Variants in RNF115 observed in about 807,000 individuals in gnomAD.
RNF115 encodes ring finger protein 115.
A neutral mutation model predicts 39.2 loss-of-function variants in RNF115; 31 were observed. The ratio of observed to expected loss-of-function variants is 0.79; its 90% CI spans 0.59 to 1.07. RNF115 has a LOEUF of 1.07. Among genes scored for constraint, RNF115 ranks in the 50% least tolerant of loss-of-function variants. The probability of loss-of-function intolerance (pLI) is 0.00; values close to 1 mark genes in which losing one functional copy is unlikely to be tolerated. For synonymous variants in RNF115, 124 were observed against 131.0 expected (o/e 0.95, Z 0.37); for missense variants, 384 against 381.7 (o/e 1.01, Z -0.05).
intron 1 of RNF115, among the ~76,000 whole-genome samples, chr1:145,807,920 C>T (rs587707367): frequency 5.3e-5 from 8 of 152,286 alleles, no homozygotes; most frequent in African/African-American, 1.9e-4. Flanking sequence ...TTAGCTCCCA[C>T]ATATGAGTGG....
intron 1 of RNF115, among the ~76,000 whole-genome samples, chr1:145,804,213 G>T (rs1446808407): frequency 6.6e-6 from 1 of 152,072 alleles, no homozygotes; most frequent in Admixed American, 6.5e-5. Flanking sequence ...AATAACCTGG[G>T]ATTAAAAGTC....
intron 1 of RNF115, among the ~76,000 whole-genome samples, chr1:145,803,227 T>C (rs1386023275): frequency 6.7e-6 from 1 of 149,258 alleles, no homozygotes; most frequent in African/African-American, 2.4e-5. Flanking sequence ...AAAATCAGTT[T>C]ACTAAAAAGG....
intron 1 of RNF115, among the ~76,000 whole-genome samples, chr1:145,799,370 G>A (rs1553720542): frequency 6.6e-6 from 1 of 151,986 alleles, no homozygotes; most frequent in Non-Finnish European, 1.5e-5. Context: ...CCAGCTTCCG[G>A]GTTTTCAACA....
At chr1:145,767,577 C>T (rs1411516508) in intron 4 of RNF115, among the ~76,000 whole-genome samples, 29 of 152,300 alleles carry the variant, frequency 1.9e-4, no homozygotes, top group Admixed American at 1.6e-3. Flanking sequence ...GGGTGGTGGC[C>T]GGGCAGAGGC....
At chr1:145,789,096 GT>G in intron 1 of RNF115, 130 bp from the exon 2 acceptor site, 1 of 589,056 alleles carries the variant, frequency 1.7e-6, no homozygotes, top group Non-Finnish European at 3.0e-6. Context: ...GACTCAAGTA[GT>G]TTTTGTTTTT....
At position 145,740,005 on chromosome 1, in the gene RNF115, G is replaced by A. The variant is rs587617224; in HGVS notation, c.*6861C>T. 6.6e-6 allele frequency: 1 copy of A among 152,310 alleles called. No homozygotes were observed. Among genetic ancestry groups the A allele is most frequent in the South Asian group, 2.1e-4 (1 of 4,826 alleles). 9.4% of individuals were successfully genotyped at this position (152,310 alleles called of 1,614,324 possible). On this transcript the variant is annotated 3_prime_UTR_variant, in exon 9 of 9. Transcript: ENST00000582693. ...TGAGAGTCTGGATTTGGGACCTAGAGCCATTTGAGTTCTGACTCCAAAGTC... is the reference window on the plus strand; with the variant it reads ...TGAGAGTCTGGATTTGGGACCTAGAACCATTTGAGTTCTGACTCCAAAGTC...
intron 1 of RNF115, among the ~76,000 whole-genome samples, chr1:145,809,049 T>C (rs1035407984): frequency 6.6e-6 from 1 of 152,192 alleles, no homozygotes; most frequent in Non-Finnish European, 1.5e-5. Flanking sequence ...AGCTCTCATA[T>C]GCAGAAATAA....
intron 2 of RNF115, among the ~76,000 whole-genome samples, chr1:145,785,727 C>T (rs1559119948): frequency 6.6e-6 from 1 of 152,174 alleles, no homozygotes; most frequent in Admixed American, 6.5e-5. Flanking sequence ...GAAACAAACA[C>T]ACCCTAGTTA....
At chr1:145,804,816 A>G (rs949242705) in intron 1 of RNF115, among the ~76,000 whole-genome samples, 2 of 152,176 alleles carry the variant, frequency 1.3e-5, no homozygotes, top group African/African-American at 4.8e-5. Context: ...ATGCCATTCC[A>G]TGTCATAAAA....
chr1:145,814,654 G>A (rs1376047277), intron 1 of RNF115, among the ~76,000 whole-genome samples: 6 of 151,462 alleles, frequency 4.0e-5, no homozygotes, highest in African/African-American at 1.2e-4. Flanking sequence ...TACTTCCCCC[G>A]AAAATACAAA....
Position 145,745,443 on chromosome 1 carries a change from A to G in RNF115, c.*1423T>C, listed in dbSNP as rs1657836031. The G allele has an allele frequency of 6.6e-6, 1 of 152,454 alleles. No homozygotes were observed. The highest frequency in any genetic ancestry group is 1.4e-5 in the Non-Finnish European group (1 of 69,172). The allele number at this position is 152,454 out of a possible 1,614,324, so 9.4% of individuals were successfully genotyped here. On this transcript the variant is annotated 3_prime_UTR_variant, in exon 9 of 9. Coordinates refer to ENST00000582693, the MANE Select transcript of RNF115 (RefSeq NM_014455.4). Reference sequence around the variant, plus strand: ...CCTAGGCGACAGAAACAAACAAAAAAAGCAGTGAGTTGGGGATTTTTTTTT... The same window carrying G: ...CCTAGGCGACAGAAACAAACAAAAAGAGCAGTGAGTTGGGGATTTTTTTTT...
intron 4 of RNF115, among the ~76,000 whole-genome samples, chr1:145,754,630 C>G (rs925029368): frequency 6.6e-6 from 1 of 152,200 alleles, no homozygotes. Context: ...AGCCACCCCA[C>G]CTGGCTGAAA....
rs1658035264 is a variant in RNF115, at chr1:145,750,457, T to C, written c.617A>G (p.Lys206Arg). The change falls in exon 7 of 9, where the codon AAG becomes AGG. Residue 206 changes from lysine (K) to arginine (R), a missense_variant. Lys to Arg is a conservative substitution (Grantham distance 26). Transcript: ENST00000582693. ...LENTGPPPAD[K>R]EKITSLPTVT... Reference sequence around the variant, plus strand: ...TGTTGGAAGAGATGTGATCTTTTCCTTGTCAGCTGGGGGAGGGCCTGTGTT... The same window carrying C: ...TGTTGGAAGAGATGTGATCTTTTCCCTGTCAGCTGGGGGAGGGCCTGTGTT... 3.1e-6 allele frequency: 5 copies of C among 1,614,130 alleles called. No individual in the cohort carries two copies. In the East Asian group the frequency reaches 8.9e-5, roughly 29 times the overall value.
intron 4 of RNF115, among the ~76,000 whole-genome samples, chr1:145,765,392 C>T (rs1317734657): frequency 1.3e-4 from 19 of 147,670 alleles, no homozygotes; most frequent in Non-Finnish European, 2.7e-4. Context: ...TCCCCCTCTG[C>T]GAGAAACACC....
chr1:145,764,943 G>C (rs587775785), intron 4 of RNF115, among the ~76,000 whole-genome samples: 2 of 152,198 alleles, frequency 1.3e-5, no homozygotes, highest in African/African-American at 4.8e-5. Flanking sequence ...CATTGAGAAC[G>C]GGCCATGATG....
intron 1 of RNF115, among the ~76,000 whole-genome samples, chr1:145,795,016 CAAAAAAA>C (rs782249648): frequency 8.9e-5 from 7 of 78,302 alleles, no homozygotes; most frequent in South Asian, 4.9e-4. Flanking sequence ...GACTCCATTT[CAAAAAAA>C]AAAAAAAAAA....
In RNF115 at chr1:145,819,187, G is replaced by A. The variant is rs1237998469; in HGVS notation, c.102+4585C>T. The stretch of plus-strand genomic sequence containing the variant: ...GCCATGGCTCATGCCTACAATCCCA[G>A]CACTTTGGGAGGCAAAGGCAGGCGG... On this transcript the variant is annotated intron_variant, in intron 1 of 8. Coordinates refer to ENST00000582693, the MANE Select transcript of RNF115 (RefSeq NM_014455.4). 6.1e-4 allele frequency among the ~76,000 whole-genome samples: 89 copies of A among 144,856 alleles called. 1 individual carries two copies. The highest frequency in any genetic ancestry group is 1.0e-3 in the Admixed American group (14 of 13,984).
chr1:145,792,118 T>C (rs1157183180), intron 1 of RNF115, among the ~76,000 whole-genome samples: 1 of 152,120 alleles, frequency 6.6e-6, no homozygotes, highest in Non-Finnish European at 1.5e-5. Flanking sequence ...TCTTGCCACG[T>C]TGCCCTGGCT....
At chr1:145,785,936 A>T (rs916982955) in intron 2 of RNF115, among the ~76,000 whole-genome samples, 1 of 152,200 alleles carries the variant, frequency 6.6e-6, no homozygotes, top group South Asian at 2.1e-4. Context: ...GAACTACCAC[A>T]TACCATAAAA....
Sources: gnomAD v4.1 joint callset for allele counts (sites outside exome capture counted in the v4.1 genomes callset) on GRCh38, gnomAD v4.1.1 for gene constraint, MANE v1.5 for transcripts, NCBI Gene and HGNC (gene_info 2026-07-23, HGNC 2026-07-21) for gene names.